The following ATP8B3 variants were observed in gnomAD, a reference collection of about 807,000 sequenced individuals.
ATP8B3 encodes phospholipid-transporting ATPase IK.
Under a neutral mutation model 140.9 loss-of-function variants are expected in ATP8B3, and 141 were observed. That is an observed-to-expected ratio of 1.00 (90% CI 0.87 to 1.15). The LOEUF is 1.15. Among genes scored for constraint, ATP8B3 ranks in the 50% most tolerant of loss-of-function variants. ATP8B3 has a pLI of 0.00. For synonymous variants in ATP8B3, 765 were observed against 714.6 expected (o/e 1.07, Z -1.13); for missense variants, 1,874 against 1,740.6 (o/e 1.08, Z -1.36).
chr19:1,785,937 C>A (rs2068292081), intron 25 of ATP8B3, among the ~76,000 whole-genome samples: 1 of 151,718 alleles, frequency 6.6e-6, no homozygotes. Flanking sequence ...TTGAGACCAG[C>A]CTGGACAACA....
chr19:1,796,620 G>T, intron 16 of ATP8B3, 91 bp downstream of exon 16: 1 of 1,479,594 alleles, frequency 6.8e-7, no homozygotes, highest in East Asian at 2.3e-5. Context: ...TGAAAGCCCT[G>T]GAAGATGGGC....
rs200648870 is a variant in ATP8B3, at chr19:1,808,343, G to T, written c.403-8C>A. On this transcript the variant is annotated splice_polypyrimidine_tract_variant and splice_region_variant and intron_variant, in intron 4 of 28. Transcript: ENST00000310127. ...CGTGCGGATGACATTGGTCTGGAAC[G>T]AGAGCCGCGGGCTGCCTGGCAGAGG... is the stretch of plus-strand genomic sequence containing the variant. 3.1e-6 allele frequency: 5 copies of T among 1,605,160 alleles called. No homozygotes were observed. The South Asian group carries it at 5.5e-5, about 18-fold the overall frequency.
chr19:1,809,862 C>T (rs1204796302), intron 3 of ATP8B3, 128 bp from the exon 4 acceptor site: 12 of 795,028 alleles, frequency 1.5e-5, no homozygotes, highest in South Asian at 1.1e-4. Flanking sequence ...TGTCAGAGCC[C>T]GTAAACAGAC....
rs1208500911 is a variant in ATP8B3, at chr19:1,811,592, C to G, written c.145G>C (p.Val49Leu). The G allele has an allele frequency of 5.0e-6, 8 of 1,612,212 alleles. No homozygotes were observed. The highest frequency in any genetic ancestry group is 1.7e-5 in the Admixed American group (1 of 59,990). The change falls in exon 2 of 29, where the codon GTG (valine) becomes CTG (leucine). Residue 49 changes from valine to leucine, a missense_variant. Physicochemically the swap from Val to Leu is conservative, Grantham distance 32. This residue lies in a region of ATP8B3 where 1,032 missense variants were observed against 963.6 expected (regional missense o/e 1.07). Transcript: ENST00000310127. The stretch of plus-strand genomic sequence containing the variant: ...GAGTCTCCCATCCCAGCTCTGATCA[C>G]CGTCTCACCTCCGCGGATGCCAGCA... The part of the protein sequence containing the change: ...GPAGIRGGET[V>L]IRAGMGDSPG...
chr19:1,787,763 G>A lies in ATP8B3; in HGVS notation c.3070-577C>T, dbSNP rs1008605870. ...AAAAAAAAAAAAAAAAAAAAAAAAC[G>A]CTGGGTGCGATTGCTCATGCCTGTA... is the stretch of plus-strand genomic sequence containing the variant. On this transcript the variant is annotated intron_variant, in intron 24 of 28. Transcript: ENST00000310127. Among the ~76,000 whole-genome samples the A allele has an allele frequency of 5.1e-5, 6 of 117,556 alleles. No individual in the cohort carries two copies. The East Asian group carries it at 1.0e-3, about 20-fold the overall frequency. 77.1% of individuals were successfully genotyped at this position (117,556 alleles called of 152,430 possible).
In ATP8B3 at chr19:1,802,558, A is replaced by C; in HGVS notation, c.992T>G (p.Ile331Ser). The C allele has an allele frequency of 6.2e-7, 1 of 1,610,770 alleles. No homozygotes were observed. The highest frequency in any genetic ancestry group is 8.5e-7 in the Non-Finnish European group (1 of 1,179,428). The change falls in exon 11 of 29, where the codon ATT (isoleucine) becomes AGT (serine). Residue 331 changes from isoleucine (I) to serine (S), a missense_variant. Around this residue, in one of 3 missense-constraint regions of ATP8B3, gnomAD observed 1,032 missense variants for 963.6 expected, o/e 1.07. Transcript: ENST00000310127. ...GCAGCCTCGGAGGAGGAGGTTGCCA[A>C]TGTCCAGGGAGTATTTCTTGTCATT... ...EWNDKKYSLD[I>S]GNLLLRGCRI...
chr19:1,787,546 C>T lies in ATP8B3; in HGVS notation c.3070-360G>A, dbSNP rs185228350. ...GAGTTTGATACTAGCCTGGCCAACA[C>T]GGTGAAACCCCGTCTCTACTAAAAA... On this transcript the variant is annotated intron_variant, in intron 24 of 28. Coordinates refer to ENST00000310127, the MANE Select transcript of ATP8B3 (RefSeq NM_138813.4). Among the ~76,000 whole-genome samples the T allele has an allele frequency of 3.5e-3, 525 of 151,586 alleles. 2 individuals carry two copies. The highest frequency in any genetic ancestry group is 0.014 in the South Asian group (68 of 4,776).
Position 1,806,251 on chromosome 19 carries a change from G to A in ATP8B3, c.678-82C>T, listed in dbSNP as rs1600476130. 2.4e-5 allele frequency: 37 copies of A among 1,531,584 alleles called. No homozygotes were observed. The highest frequency in any genetic ancestry group is 8.5e-5 in the South Asian group (7 of 82,702). 94.9% of individuals were successfully genotyped at this position (1,531,584 alleles called of 1,614,324 possible). On this transcript the variant is annotated intron_variant, in intron 7 of 28. Coordinates refer to ENST00000310127, the MANE Select transcript of ATP8B3 (RefSeq NM_138813.4). The surrounding 1 kb of genome is among the most constrained non-coding windows in gnomAD (Gnocchi z 5.6). ...CGGGAGACCAGAGGCACGGGATGAC[G>A]GGGGGCCCGCAGCTGCAGTCCCCAC...
In ATP8B3 at chr19:1,795,926, T is replaced by C. The variant is rs1303485520; in HGVS notation, c.2004A>G (p.Glu668=). The change falls in exon 18 of 29, where the codon GAA becomes GAG. Residue 668 remains glutamate, a synonymous_variant. Transcript: ENST00000310127. Reference sequence around the variant, plus strand: ...CCATTGCCCCCCTCCTGTGCAAGCGTTCGAAGATGACCGTGTCGGCGCCCT... The same window carrying C: ...CCATTGCCCCCCTCCTGTGCAAGCGCTCGAAGATGACCGTGTCGGCGCCCT... The part of the protein sequence containing the change: ...YTKGADTVIF[E]RLHRRGAMEF... 1 of 1,611,790 alleles carries C rather than the reference T, an allele frequency of 6.2e-7. No individual in the cohort carries two copies. Among genetic ancestry groups the C allele is most frequent in the African/African-American group, 1.3e-5 (1 of 74,474 alleles).
In ATP8B3 at chr19:1,789,570, G is replaced by A; in HGVS notation, c.2636C>T (p.Ala879Val). The A allele has an allele frequency of 6.3e-7, 1 of 1,593,768 alleles. No individual in the cohort carries two copies. The highest frequency in any genetic ancestry group is 1.3e-5 in the African/African-American group (1 of 74,746). The change falls in exon 23 of 29, where the codon GCA becomes GTA. Residue 879 changes from alanine (A) to valine (V), a missense_variant. Coordinates refer to ENST00000310127, the MANE Select transcript of ATP8B3 (RefSeq NM_138813.4). ...GGCTCTGGAGTCCTGGGCTGGCGGT[G>A]CAGCCAGCGGGAGCCCGAACCTCCG... is the stretch of plus-strand genomic sequence containing the variant. ...LCRRFGLPLA[A>V]PPAQDSRARR... is the part of the protein sequence containing the mutation.
chr19:1,791,202 G>A (rs1350983070), intron 20 of ATP8B3, among the ~76,000 whole-genome samples: 6 of 151,992 alleles, frequency 3.9e-5, no homozygotes, highest in African/African-American at 1.4e-4. Context: ...CCGACAGAGG[G>A]CACCCTGAAA....
Position 1,806,219 on chromosome 19 carries a change from C to T in ATP8B3, c.678-50G>A. On this transcript the variant is annotated intron_variant, in intron 7 of 28. Transcript: ENST00000310127. The surrounding 1 kb of genome is among the most constrained non-coding windows in gnomAD (Gnocchi z 5.6). ...GAGGCCCCTCCCTCTGCCAACCCTC[C>T]CCACACCGGGAGACCAGAGGCACGG... The T allele has an allele frequency of 6.4e-7, 1 of 1,550,738 alleles. No homozygotes were observed. The highest frequency in any genetic ancestry group is 8.7e-7 in the Non-Finnish European group (1 of 1,149,234).
rs2068417659 is a variant in ATP8B3 at position 1,789,461 on chromosome 19, C to T, written c.2745G>A (p.Thr915=). 6.3e-7 allele frequency: 1 copy of T among 1,597,632 alleles called. No homozygotes were observed. Among genetic ancestry groups the T allele is most frequent in the South Asian group, 1.1e-5 (1 of 90,906 alleles). ...CCACGATCAGGGCCTTCTGCTTGGGCGTCACGCGGCAGCAGATGACCGCCT... is the reference window on the plus strand; with the variant it reads ...CCACGATCAGGGCCTTCTGCTTGGGTGTCACGCGGCAGCAGATGACCGCCT... The part of the protein sequence containing the change: ...KCQAVICCRV[T]PKQKALIVAL... Residue 915 remains threonine (T), a synonymous_variant, in exon 23 of 29, where the codon ACG becomes ACA. Coordinates refer to ENST00000310127, the MANE Select transcript of ATP8B3 (RefSeq NM_138813.4).
In ATP8B3 at chr19:1,800,912, T is replaced by C. The variant is rs1459228300; in HGVS notation, c.1153-463A>G. ...GGCGCGATCTTGGCTCACAGCAAGCTCCGCCTCCCGGGTTCACACCATTCT... is the reference window on the plus strand; with the variant it reads ...GGCGCGATCTTGGCTCACAGCAAGCCCCGCCTCCCGGGTTCACACCATTCT... On this transcript the variant is annotated intron_variant, in intron 12 of 28. Coordinates refer to ENST00000310127, the MANE Select transcript of ATP8B3 (RefSeq NM_138813.4). This position sits in a 1 kb window ranked among gnomAD's most constrained non-coding sequence, Gnocchi z 4.4. 6.7e-6 allele frequency among the ~76,000 whole-genome samples: 1 copy of C among 149,990 alleles called. No individual in the cohort carries two copies. Among genetic ancestry groups the C allele is most frequent in the Non-Finnish European group, 1.5e-5 (1 of 67,646 alleles).
Position 1,806,762 on chromosome 19 carries a change from C to T in ATP8B3, c.616-73G>A, listed in dbSNP as rs917634687. 2 of 1,486,416 alleles carry T rather than the reference C, an allele frequency of 1.3e-6. No individual in the cohort carries two copies. Among genetic ancestry groups the T allele is most frequent in the Non-Finnish European group, 9.2e-7 (1 of 1,090,442 alleles). 92.1% of individuals were successfully genotyped at this position (1,486,416 alleles called of 1,614,324 possible). ...CCCCGCCCAGGCCGCTGCCGCACTG[C>T]AGCCCAGCAGTGCCCGCCCGCAACA... On this transcript the variant is annotated intron_variant, in intron 6 of 28. Coordinates refer to ENST00000310127, the MANE Select transcript of ATP8B3 (RefSeq NM_138813.4). The surrounding 1 kb of genome is among the most constrained non-coding windows in gnomAD (Gnocchi z 5.6).
intron 23 of ATP8B3, 27 bp from the exon 24 acceptor site, chr19:1,789,147 C>A (rs773594644): frequency 1.4e-6 from 2 of 1,481,118 alleles, no homozygotes; most frequent in African/African-American, 1.4e-5. Flanking sequence ...GCTGGTCAGC[C>A]CCCCGCACGC....
intron 18 of ATP8B3, among the ~76,000 whole-genome samples, chr19:1,795,538 A>C (rs758902627): frequency 4.4e-4 from 67 of 152,090 alleles, no homozygotes; most frequent in Non-Finnish European, 8.2e-4. Flanking sequence ...GCGACAGAGC[A>C]AGACTCTGTC....
At position 1,788,481 on chromosome 19, in the gene ATP8B3, C is replaced by A. The variant is rs200215804; in HGVS notation, c.3069+416G>T. ...CCTGGCCAACATGGTGAAACCCTGT[C>A]TCTGCTAAAAATACAAAAATTAGCC... On this transcript the variant is annotated intron_variant, in intron 24 of 28. Coordinates refer to ENST00000310127, the MANE Select transcript of ATP8B3 (RefSeq NM_138813.4). Among the ~76,000 whole-genome samples, 4 of 152,272 alleles carry A rather than the reference C, an allele frequency of 2.6e-5. No individual in the cohort carries two copies. In the East Asian group the frequency reaches 5.8e-4, roughly 22 times the overall value.
chr19:1,806,667 G>A lies in ATP8B3; in HGVS notation c.638C>T (p.Ala213Val). 1 of 1,565,456 alleles carries A rather than the reference G, an allele frequency of 6.4e-7. No homozygotes were observed. Among genetic ancestry groups the A allele is most frequent in the Non-Finnish European group, 8.7e-7 (1 of 1,155,358 alleles). Residue 213 changes from alanine to valine, a missense_variant, in exon 7 of 29, where the codon GCC becomes GTC. Coordinates refer to ENST00000310127, the MANE Select transcript of ATP8B3 (RefSeq NM_138813.4). The surrounding 1 kb of genome is among the most constrained non-coding windows in gnomAD (Gnocchi z 5.6). ...AATCTGGCAGGGTCTGTTGTTGATG[G>A]CTCTGTCACTCTTGTGTCTCCCCTG... Reference protein sequence around the residue: ...DDMGRHKSDRAINNRPCQILM... With the variant: ...DDMGRHKSDRVINNRPCQILM...
Sources: gnomAD v4.1 joint callset for allele counts (sites outside exome capture counted in the v4.1 genomes callset) on GRCh38, gnomAD v4.1.1 for gene constraint, gnomAD v4.1.1 regional missense constraint, Gnocchi (gnomAD v3.1) non-coding constraint, MANE v1.5 for transcripts, NCBI Gene and HGNC (gene_info 2026-07-23, HGNC 2026-07-21) for gene names.